Variants in GAS2 observed in about 807,000 individuals in gnomAD.
The protein encoded by GAS2 is growth arrest-specific protein 2.
GAS2 carries 20 observed loss-of-function variants against 37.5 expected under a neutral mutation model. The observed-to-expected ratio is 0.53, with a 90% CI of 0.37 to 0.77. GAS2 has a LOEUF of 0.77. GAS2 is among the 30% of genes least tolerant of loss of function. The pLI, the probability that GAS2 is intolerant of heterozygous loss-of-function variation, is 0.00. For synonymous variants in GAS2, 144 were observed against 132.2 expected, an observed-to-expected ratio of 1.09 and a Z score of -0.61; for missense variants, 336 against 373.4, an observed-to-expected ratio of 0.90 and a Z score of 0.82.
chr11:22,706,813 A>G (rs1207268326), intron 3 of GAS2, among the ~76,000 whole-genome samples: 2 of 152,064 alleles, frequency 1.3e-5, no homozygotes, highest in African/African-American at 4.8e-5. Flanking sequence ...ATGTGTCTTT[A>G]TAGCAGCATG....
At chr11:22,731,276 C>CT (rs1183502494) in intron 4 of GAS2, 12 of 405,912 alleles carry the variant, frequency 3.0e-5, no homozygotes, top group Admixed American at 8.2e-5. Context: ...AAAATACACA[C>CT]TTTTTTTGCT....
chr11:22,628,810 A>C (rs968396907), intron 1 of GAS2, among the ~76,000 whole-genome samples: 1 of 152,044 alleles, frequency 6.6e-6, no homozygotes, highest in South Asian at 2.1e-4. Context: ...CCAAGTTTCC[A>C]GTGTCCATTA....
chr11:22,801,542 G>C lies in GAS2; in HGVS notation c.724-10256G>C, dbSNP rs143183061. ...CAGTAAAACATAGATAGTGACTTACGTGACATGATGTAATAAATCACTGCT... is the reference window on the plus strand; with the variant it reads ...CAGTAAAACATAGATAGTGACTTACCTGACATGATGTAATAAATCACTGCT... On this transcript the variant is annotated intron_variant, in intron 7 of 7. Transcript: ENST00000454584. Among the ~76,000 whole-genome samples the C allele has an allele frequency of 5.9e-3, 892 of 151,894 alleles. 12 individuals are homozygous for C. The highest frequency in any genetic ancestry group is 0.039 in the East Asian group (201 of 5,168).
chr11:22,668,790 G>T (rs1565074303), intron 1 of GAS2, among the ~76,000 whole-genome samples: 2 of 152,188 alleles, frequency 1.3e-5, no homozygotes, highest in African/African-American at 2.4e-5. Flanking sequence ...GCATGATGAG[G>T]CTGTAACTGT....
chr11:22,765,220 A>C (rs78291604), intron 7 of GAS2, among the ~76,000 whole-genome samples: 242 of 152,258 alleles, frequency 1.6e-3, no homozygotes, highest in African/African-American at 5.6e-3. Context: ...TGTGTATATT[A>C]TACAGATAGA....
chr11:22,639,231 T>A (rs372894937), intron 1 of GAS2, among the ~76,000 whole-genome samples: 165 of 152,314 alleles, frequency 1.1e-3, no homozygotes, highest in African/African-American at 3.8e-3. Context: ...TAACAGGTTA[T>A]TAAGTCACAC....
chr11:22,804,904 A>C (rs1856818070), intron 7 of GAS2, among the ~76,000 whole-genome samples: 1 of 152,156 alleles, frequency 6.6e-6, no homozygotes, highest in Non-Finnish European at 1.5e-5. Flanking sequence ...AATCTGTGAG[A>C]TGGAAGAGTT....
In GAS2 at chr11:22,641,553, G is replaced by A. The variant is rs1330197245; in HGVS notation, c.-21+15740G>A. ...TCCTGTAAGATGTCCCCCAGATTGA[G>A]GTAACACATATTATTCCTTGCAACT... is the stretch of plus-strand genomic sequence containing the variant. On this transcript the variant is annotated intron_variant, in intron 1 of 5. Transcript: ENST00000528582. 4.0e-5 allele frequency among the ~76,000 whole-genome samples: 6 copies of A among 150,640 alleles called. 1 individual carries two copies. In the East Asian group the frequency reaches 1.2e-3, roughly 30 times the overall value.
chr11:22,777,654 TCAAA>T (rs2134464039), intron 7 of GAS2, among the ~76,000 whole-genome samples: 1 of 152,304 alleles, frequency 6.6e-6, no homozygotes, highest in East Asian at 1.9e-4. Flanking sequence ...CAAGGGCTCT[TCAAA>T]CAATGAATAC....
intron 7 of GAS2, among the ~76,000 whole-genome samples, chr11:22,789,434 AT>A (rs1252543104): frequency 1.1e-5 from 1 of 92,710 alleles, no homozygotes; most frequent in East Asian, 2.7e-4. Context: ...AGATATATAT[AT>A]ATATATATAT....
At chr11:22,797,247 A>G (rs867820905) in intron 7 of GAS2, among the ~76,000 whole-genome samples, 1 of 152,088 alleles carries the variant, frequency 6.6e-6, no homozygotes, top group East Asian at 1.9e-4. Context: ...TCACCAGTCC[A>G]TCATCATATG....
At chr11:22,720,694 C>G (rs1005939546) in intron 3 of GAS2, among the ~76,000 whole-genome samples, 1 of 151,932 alleles carries the variant, frequency 6.6e-6, no homozygotes, top group Non-Finnish European at 1.5e-5. Flanking sequence ...TCTTGGCAAG[C>G]CTCATGTCTT....
At position 22,778,802 on chromosome 11, in the gene GAS2, G is replaced by A. The variant is rs139515560; in HGVS notation, c.723+22849G>A. Among the ~76,000 whole-genome samples the A allele has an allele frequency of 2.1e-4, 32 of 152,246 alleles. 1 individual carries two copies. In the East Asian group the frequency reaches 4.6e-3, roughly 22 times the overall value. On this transcript the variant is annotated intron_variant, in intron 7 of 7. Transcript: ENST00000454584. ...TTTTCCAAGTGCCATGAAGAATGTT[G>A]AAACTGTGTATGTGTGCATTTGTTC...
chr11:22,701,897 A>G (rs191215558), intron 3 of GAS2, among the ~76,000 whole-genome samples: 1 of 152,308 alleles, frequency 6.6e-6, no homozygotes, highest in East Asian at 1.9e-4. Flanking sequence ...TAAGTAAGAA[A>G]AAGGCATTAT....
At chr11:22,680,635 A>G (rs1590621474) in intron 2 of GAS2, among the ~76,000 whole-genome samples, 1 of 152,108 alleles carries the variant, frequency 6.6e-6, no homozygotes, top group South Asian at 2.1e-4. Flanking sequence ...CCTGAATGAT[A>G]TTGTTAGCCA....
At chr11:22,794,525 A>T (rs1265653501) in intron 7 of GAS2, among the ~76,000 whole-genome samples, 4 of 151,890 alleles carry the variant, frequency 2.6e-5, no homozygotes, top group Non-Finnish European at 5.9e-5. Flanking sequence ...CCCTTCCCCC[A>T]CTCACCACAC....
chr11:22,738,062 T>G (rs1014759259), intron 5 of GAS2, among the ~76,000 whole-genome samples: 1 of 152,188 alleles, frequency 6.6e-6, no homozygotes, highest in Non-Finnish European at 1.5e-5. Context: ...ACATGCAGTT[T>G]TATATGACAG....
At chr11:22,651,224 T>A (rs1282205036) in intron 1 of GAS2, among the ~76,000 whole-genome samples, 1 of 152,210 alleles carries the variant, frequency 6.6e-6, no homozygotes, top group Non-Finnish European at 1.5e-5. Flanking sequence ...AATTCTTTTC[T>A]TTAAGAATGT....
chr11:22,682,887 GGAAAA>G (rs1565083704), intron 2 of GAS2, among the ~76,000 whole-genome samples: 1 of 73,662 alleles, frequency 1.4e-5, no homozygotes, highest in Non-Finnish European at 2.6e-5. Flanking sequence ...AAAAAAAAAA[GGAAAA>G]AAAAAAAAAA....
Sources: gnomAD v4.1 joint callset for allele counts (sites outside exome capture counted in the v4.1 genomes callset) on GRCh38, gnomAD v4.1.1 for gene constraint, MANE v1.5 for transcripts, NCBI Gene and HGNC (gene_info 2026-07-23, HGNC 2026-07-21) for gene names.